Variants in VCAN observed in about 807,000 individuals in gnomAD.
VCAN encodes the protein versican core protein.
A neutral mutation model predicts 245.5 loss-of-function variants in VCAN; 44 were observed. That is an observed-to-expected ratio of 0.18 (90% CI 0.14 to 0.23). The LOEUF (loss-of-function observed/expected upper bound fraction) is 0.23, where lower values mean the gene tolerates loss of function less well. VCAN is among the 10% of genes least tolerant of loss of function. VCAN has a pLI of 1.00. For synonymous variants in VCAN, 1,413 were observed against 1,437.0 expected (o/e 0.98, Z 0.38); for missense variants, 3,793 against 4,057.9 (o/e 0.93, Z 1.77).
chr5:83,547,893 A>ATCG, intron 9 of VCAN, 78 bp from the exon 10 acceptor site: 3 of 946,620 alleles, frequency 3.2e-6, no homozygotes, highest in Non-Finnish European at 4.8e-6. Flanking sequence ...CTTGTATGTT[A>ATCG]TCTTGCAACC....
chr5:83,548,480 G>A (rs1290951084), intron 10 of VCAN, among the ~76,000 whole-genome samples: 1 of 152,088 alleles, frequency 6.6e-6, no homozygotes, highest in African/African-American at 2.4e-5. Flanking sequence ...ATCATATCTG[G>A]AGAATGAGTT....
intron 12 of VCAN, among the ~76,000 whole-genome samples, chr5:83,557,734 G>C (rs1031516239): frequency 6.6e-6 from 1 of 152,096 alleles, no homozygotes; most frequent in African/African-American, 2.4e-5. Flanking sequence ...CTGAAATTTT[G>C]CTCTGAAACT....
intron 5 of VCAN, among the ~76,000 whole-genome samples, chr5:83,495,154 T>C (rs1464064443): frequency 6.6e-6 from 1 of 152,242 alleles, no homozygotes; most frequent in Non-Finnish European, 1.5e-5. Flanking sequence ...AAGAATGATC[T>C]GAATTTTCTT....
Position 83,487,922 on chromosome 5 carries a change from A to G in VCAN, c.71-2176A>G, listed in dbSNP as rs560255669. 2.6e-5 allele frequency among the ~76,000 whole-genome samples: 4 copies of G among 152,330 alleles called. No individual in the cohort carries two copies. In the East Asian group the frequency reaches 7.7e-4, roughly 29 times the overall value. ...GTAAGAAATATTGAAGAATTGGAAG[A>G]CATATATTTTAAACTAATTTTAAAA... is the stretch of plus-strand genomic sequence containing the variant. On this transcript the variant is annotated intron_variant, in intron 2 of 14. Coordinates refer to ENST00000265077, the MANE Select transcript of VCAN (RefSeq NM_004385.5).
chr5:83,511,698 G>A (rs1382168805), intron 5 of VCAN, among the ~76,000 whole-genome samples: 2 of 151,950 alleles, frequency 1.3e-5, no homozygotes, highest in African/African-American at 4.8e-5. Flanking sequence ...GCAGTTCAAT[G>A]CAAGGTTTCC....
At chr5:83,477,409 T>A (rs564377362) in intron 1 of VCAN, among the ~76,000 whole-genome samples, 8 of 152,288 alleles carry the variant, frequency 5.3e-5, no homozygotes, top group Admixed American at 4.6e-4. Flanking sequence ...GGAAGAATTA[T>A]TCAATAAATG....
At chr5:83,514,562 T>C (rs1275183236) in intron 6 of VCAN, among the ~76,000 whole-genome samples, 1 of 151,748 alleles carries the variant, frequency 6.6e-6, no homozygotes, top group Non-Finnish European at 1.5e-5. Context: ...GTGATTCTCC[T>C]GCCTTCTCCT....
intron 2 of VCAN, among the ~76,000 whole-genome samples, chr5:83,485,193 T>G (rs1744752774): frequency 1.3e-5 from 2 of 152,278 alleles, no homozygotes; most frequent in Non-Finnish European, 2.9e-5. Flanking sequence ...GAAGCAAAGC[T>G]TGGAGATGAA....
chr5:83,554,635 A>T (rs1747596014), intron 11 of VCAN, among the ~76,000 whole-genome samples: 1 of 152,190 alleles, frequency 6.6e-6, no homozygotes, highest in African/African-American at 2.4e-5. Flanking sequence ...AAAAAATAGA[A>T]AATTTCTATC....
chr5:83,536,353 T>A (rs1172512246), intron 7 of VCAN: 1 of 152,142 alleles, frequency 6.6e-6, no homozygotes, highest in African/African-American at 2.4e-5. Flanking sequence ...TAGGATGTGG[T>A]TAAGCTCATG....
At chr5:83,552,406 C>T (rs975523158) in intron 10 of VCAN, among the ~76,000 whole-genome samples, 2 of 152,084 alleles carry the variant, frequency 1.3e-5, no homozygotes, top group African/African-American at 4.8e-5. Flanking sequence ...GTAACTACTT[C>T]AATATAATTG....
At position 83,540,200 on chromosome 5, in the gene VCAN, T is replaced by C. The variant is rs1476763491; in HGVS notation, c.7197T>C (p.Thr2399=). The part of the protein sequence containing the change: ...AEINETTTSS[T]DFLARAYGFE... ...TTAACGAAACAACAACCTCATCTAC[T>C]GATTTTCTGGCTAGAGCTTATGGTT... is the stretch of plus-strand genomic sequence containing the variant. The change falls in exon 8 of 15, where the codon ACT becomes ACC. Residue 2399 remains threonine (T), a synonymous_variant. Coordinates refer to ENST00000265077, the MANE Select transcript of VCAN (RefSeq NM_004385.5). The C allele has an allele frequency of 1.2e-6, 2 of 1,614,076 alleles. No homozygotes were observed. The highest frequency in any genetic ancestry group is 1.1e-5 in the South Asian group (1 of 91,084).
rs1746848762 is a variant in VCAN at position 83,539,052 on chromosome 5, A to G, written c.6049A>G (p.Thr2017Ala). 1 of 1,613,886 alleles carries G rather than the reference A, an allele frequency of 6.2e-7. No individual in the cohort carries two copies. The highest frequency in any genetic ancestry group is 8.5e-7 in the Non-Finnish European group (1 of 1,179,978). Residue 2017 changes from threonine (T) to alanine (A), a missense_variant, in exon 8 of 15, where the codon ACA becomes GCA. By Grantham distance (58) the Thr-to-Ala change is moderately conservative. This residue lies in a region of VCAN where 3,182 missense variants were observed against 3,250.3 expected (regional missense o/e 0.98). Coordinates refer to ENST00000265077, the MANE Select transcript of VCAN (RefSeq NM_004385.5). Reference sequence around the variant, plus strand: ...TGAGGGCTCAGGTGAGCAACTGGTCACAGTCAGCAGCTCTGTTGTTCCAGT... The same window carrying G: ...TGAGGGCTCAGGTGAGCAACTGGTCGCAGTCAGCAGCTCTGTTGTTCCAGT... ...SAEGSGEQLVTVSSSVVPVLP... is the reference protein window; with the variant it reads ...SAEGSGEQLVAVSSSVVPVLP...
At chr5:83,577,206 C>G (rs565722724) in intron 13 of VCAN, among the ~76,000 whole-genome samples, 1 of 152,182 alleles carries the variant, frequency 6.6e-6, no homozygotes, top group South Asian at 2.1e-4. Context: ...TGGCTTACAT[C>G]CTGTCCCTGA....
rs774756795 is a variant in VCAN, at chr5:83,520,546, T to C, written c.2240T>C (p.Phe747Ser). The C allele has an allele frequency of 6.2e-7, 1 of 1,614,032 alleles. No individual in the cohort carries two copies. The highest frequency in any genetic ancestry group is 1.1e-5 in the South Asian group (1 of 91,078). ...TESSVEMTKS[F>S]DFPTLITKLS... ...TCTTCTGTGGAAATGACCAAGTCTT[T>C]TGATTTCCCAACATTGATAACAAAG... The change falls in exon 7 of 15, where the codon TTT becomes TCT. Residue 747 changes from phenylalanine to serine, a missense_variant. By Grantham distance (155) the Phe-to-Ser change is radical. Coordinates refer to ENST00000265077, the MANE Select transcript of VCAN (RefSeq NM_004385.5).
chr5:83,493,297 T>C (rs909404728), intron 3 of VCAN, among the ~76,000 whole-genome samples: 1 of 152,188 alleles, frequency 6.6e-6, no homozygotes, highest in African/African-American at 2.4e-5. Flanking sequence ...TTAAATCTCT[T>C]CCTTGATCTA....
At position 83,552,453 on chromosome 5, in the gene VCAN, A is replaced by T. The variant is rs79197131; in HGVS notation, c.9494-911A>T. 7.3e-3 allele frequency among the ~76,000 whole-genome samples: 1,113 copies of T among 152,274 alleles called. 14 individuals carry two copies. The highest frequency in any genetic ancestry group is 0.024 in the African/African-American group (999 of 41,544). On this transcript the variant is annotated intron_variant, in intron 10 of 14. Coordinates refer to ENST00000265077, the MANE Select transcript of VCAN (RefSeq NM_004385.5). ...TTGTGAAAGTCAACCCCACCTGTGG[A>T]TGAGCAATTCTGTGGGAAGATTGCC...
chr5:83,534,303 A>G (rs1015915485), intron 7 of VCAN: 5 of 152,094 alleles, frequency 3.3e-5, no homozygotes, highest in Non-Finnish European at 7.4e-5. Context: ...TTCTTGGCCT[A>G]GGAGTTTGTA....
At position 83,521,191 on chromosome 5, in the gene VCAN, A is replaced by G; in HGVS notation, c.2885A>G (p.Glu962Gly). 1 of 1,613,462 alleles carries G rather than the reference A, an allele frequency of 6.2e-7. No individual in the cohort carries two copies. Among genetic ancestry groups the G allele is most frequent in the Non-Finnish European group, 8.5e-7 (1 of 1,179,496 alleles). Residue 962 changes from glutamate to glycine, a missense_variant, in exon 7 of 15, where the codon GAG becomes GGG. Glu to Gly is a moderately conservative substitution (Grantham distance 98). Around this residue, in one of 5 missense-constraint regions of VCAN, gnomAD observed 3,182 missense variants for 3,250.3 expected, o/e 0.98. Coordinates refer to ENST00000265077, the MANE Select transcript of VCAN (RefSeq NM_004385.5). ...TTTGTTAGTTATAGTAGCACCCAAGAGCCTACTACTTATGTAGACTCTTCC... is the reference window on the plus strand; with the variant it reads ...TTTGTTAGTTATAGTAGCACCCAAGGGCCTACTACTTATGTAGACTCTTCC... ...LAFVSYSSTQ[E>G]PTTYVDSSHT...
Sources: allele counts gnomAD v4.1 joint callset (sites outside exome capture counted in the v4.1 genomes callset), GRCh38; gene constraint gnomAD v4.1.1; regional missense constraint gnomAD v4.1.1; transcripts MANE v1.5; gene names NCBI Gene and HGNC (gene_info 2026-07-23, HGNC 2026-07-21).